Variants in CTNNA2 observed in about 807,000 individuals in gnomAD.
CTNNA2 encodes the protein catenin alpha-2.
Under a neutral mutation model 101.0 loss-of-function variants are expected in CTNNA2, and 42 were observed. That is an observed-to-expected ratio of 0.42 (90% CI 0.32 to 0.54). CTNNA2 has a LOEUF of 0.54. CTNNA2 is among the 20% of genes least tolerant of loss of function. CTNNA2 has a pLI of 0.14. For synonymous variants in CTNNA2, 450 were observed against 456.4 expected (o/e 0.99, Z 0.18); for missense variants, 871 against 1,223.1 (o/e 0.71, Z 4.29).
chr2:79,696,982 T>A (rs1684691099), intron 2 of CTNNA2, among the ~76,000 whole-genome samples: 1 of 151,884 alleles, frequency 6.6e-6, no homozygotes, highest in African/African-American at 2.4e-5. Context: ...ATCTAAAAAT[T>A]ATAAAGTTGG....
At chr2:79,360,779 T>C (rs766183023) in intron 3 of CTNNA2, among the ~76,000 whole-genome samples, 12 of 152,148 alleles carry the variant, frequency 7.9e-5, no homozygotes, top group Non-Finnish European at 1.3e-4. Flanking sequence ...TGTCCAATCA[T>C]AGCAAATGTC....
At chr2:80,121,331 G>A (rs1210914772) in intron 7 of CTNNA2, among the ~76,000 whole-genome samples, 1 of 152,160 alleles carries the variant, frequency 6.6e-6, no homozygotes, top group Non-Finnish European at 1.5e-5. Context: ...TTATTAATAT[G>A]TATAATGGGA....
intron 7 of CTNNA2, among the ~76,000 whole-genome samples, chr2:79,932,890 C>G (rs1687542180): frequency 6.6e-6 from 1 of 152,164 alleles, no homozygotes; most frequent in Admixed American, 6.5e-5. Flanking sequence ...AGAAAAAGAA[C>G]TTTGAATGTG....
At chr2:80,555,628 A>G (rs1692965480) in intron 11 of CTNNA2, 65 bp from the exon 12 acceptor site, 1 of 970,328 alleles carries the variant, frequency 1.0e-6, no homozygotes, top group Non-Finnish European at 1.5e-6. Flanking sequence ...GAGTTGAATC[A>G]ATTTTAATTG....
At chr2:80,019,058 T>C (rs911930765) in intron 7 of CTNNA2, among the ~76,000 whole-genome samples, 39 of 152,216 alleles carry the variant, frequency 2.6e-4, no homozygotes, top group Admixed American at 1.1e-3. Flanking sequence ...ACTATTTGCA[T>C]AGCATTTACC....
chr2:79,860,546 G>GTTTTTTTTTTTTTT lies in CTNNA2; in HGVS notation c.465+2373_465+2386dup, dbSNP rs56929879. The stretch of plus-strand genomic sequence containing the variant: ...TTCTCCACACAGCCGAGTAAGGGAA[G>GTTTTTTTTTTTTTT]TTTTTTTTTTTTTTTTTTTAACGAT... On this transcript the variant is annotated intron_variant, in intron 4 of 18. Transcript: ENST00000402739. 2.0e-4 allele frequency among the ~76,000 whole-genome samples: 21 copies of GTTTTTTTTTTTTTT among 107,184 alleles called. 1 individual carries two copies. The highest frequency in any genetic ancestry group is 5.2e-4 in the African/African-American group (14 of 27,092). 70.3% of individuals were successfully genotyped at this position (107,184 alleles called of 152,430 possible).
chr2:80,597,512 G>C (rs1697086656), intron 15 of CTNNA2, among the ~76,000 whole-genome samples: 1 of 152,080 alleles, frequency 6.6e-6, no homozygotes, highest in South Asian at 2.1e-4. Flanking sequence ...CACAGCAAAA[G>C]AAACTAGCAT....
chr2:80,198,252 C>T (rs868040518), intron 7 of CTNNA2, among the ~76,000 whole-genome samples: 1 of 152,120 alleles, frequency 6.6e-6, no homozygotes, highest in African/African-American at 2.4e-5. Context: ...TCACCAGTTA[C>T]GTCAGGGGTG....
chr2:79,751,484 T>C (rs940929036), intron 3 of CTNNA2, among the ~76,000 whole-genome samples: 1 of 149,144 alleles, frequency 6.7e-6, no homozygotes, highest in African/African-American at 2.5e-5. Flanking sequence ...TAGCTCCAGA[T>C]AGGCGGGAGG....
intron 4 of CTNNA2, among the ~76,000 whole-genome samples, chr2:79,466,184 C>T (rs1390884766): frequency 6.6e-6 from 1 of 152,214 alleles, no homozygotes; most frequent in East Asian, 1.9e-4. Context: ...GTCACTCCCA[C>T]CCTAATACTG....
intron 3 of CTNNA2, among the ~76,000 whole-genome samples, chr2:79,829,590 A>G (rs1574077014): frequency 6.6e-6 from 1 of 151,914 alleles, no homozygotes; most frequent in Non-Finnish European, 1.5e-5. Context: ...ATTAAAAAAA[A>G]GAAAACCTTC....
chr2:80,069,472 T>G (rs1698188197), intron 7 of CTNNA2, among the ~76,000 whole-genome samples: 1 of 152,164 alleles, frequency 6.6e-6, no homozygotes, highest in African/African-American at 2.4e-5. Flanking sequence ...TAATAGAAAT[T>G]TATAATTCCA....
chr2:80,146,710 GTTTTTTTTTTTT>G (rs34019123), intron 7 of CTNNA2, among the ~76,000 whole-genome samples: 14 of 61,746 alleles, frequency 2.3e-4, no homozygotes, highest in South Asian at 6.9e-4. Context: ...GTCCCCTCTG[GTTTTTTTTTTTT>G]TTTTTTTTTT....
intron 7 of CTNNA2, among the ~76,000 whole-genome samples, chr2:79,982,238 A>ATATATG (rs1553420970): frequency 2.0e-4 from 18 of 89,586 alleles, no homozygotes; most frequent in East Asian, 4.1e-4. Flanking sequence ...ATATATATAT[A>ATATATG]TATGTATGTA....
intron 4 of CTNNA2, among the ~76,000 whole-genome samples, chr2:79,420,641 G>A (rs72919178): frequency 0.021 from 3,218 of 152,146 alleles, 97 homozygotes; most frequent in African/African-American, 0.073. Flanking sequence ...TAGTTTTCTC[G>A]TAAGTAAAAT....
chr2:79,375,151 G>A (rs928775080), intron 4 of CTNNA2, among the ~76,000 whole-genome samples: 11 of 152,056 alleles, frequency 7.2e-5, no homozygotes, highest in Admixed American at 5.2e-4. Context: ...CAGCAATCAG[G>A]GCAGCTGTGG....
At chr2:80,494,014 G>A (rs564079626) in intron 9 of CTNNA2, among the ~76,000 whole-genome samples, 1 of 152,140 alleles carries the variant, frequency 6.6e-6, no homozygotes, top group African/African-American at 2.4e-5. Context: ...AGTGGTCTGC[G>A]TGAGAAAGGA....
At chr2:79,772,995 A>C (rs574590168) in intron 3 of CTNNA2, among the ~76,000 whole-genome samples, 15 of 152,340 alleles carry the variant, frequency 9.8e-5, no homozygotes, top group African/African-American at 2.9e-4. Flanking sequence ...GGGATTAGAT[A>C]GGTTTAGGGC....
intron 1 of CTNNA2, among the ~76,000 whole-genome samples, chr2:79,581,023 T>C (rs1676116174): frequency 6.6e-6 from 1 of 152,216 alleles, no homozygotes; most frequent in Non-Finnish European, 1.5e-5. Flanking sequence ...ACCTTCTTAA[T>C]AGCTACTCTG....
Sources: gnomAD v4.1 joint callset for allele counts (sites outside exome capture counted in the v4.1 genomes callset) on GRCh38, gnomAD v4.1.1 for gene constraint, MANE v1.5 for transcripts, NCBI Gene and HGNC (gene_info 2026-07-23, HGNC 2026-07-21) for gene names.